The following WRN variants were observed in gnomAD, a reference collection of about 807,000 sequenced individuals.
WRN encodes the protein WRN RecQ like helicase.
WRN carries 149 observed loss-of-function variants against 180.7 expected under a neutral mutation model. That is an observed-to-expected ratio of 0.82 (90% confidence interval 0.72 to 0.94). The LOEUF (loss-of-function observed/expected upper bound fraction) is 0.94, where lower values mean the gene tolerates loss of function less well. Ranked by LOEUF, WRN falls within the 40% of genes least tolerant of loss-of-function variation. The pLI, the probability that WRN is intolerant of heterozygous loss-of-function variation, is 0.00. For missense variants in WRN, 1,661 were observed against 1,700.1 expected, an observed-to-expected ratio of 0.98 and a Z score of 0.40; for synonymous variants, 548 against 568.9, an observed-to-expected ratio of 0.96 and a Z score of 0.52.
intron 32 of WRN, among the ~76,000 whole-genome samples, chr8:31,155,803 A>G (rs1217106174): frequency 6.6e-6 from 1 of 152,146 alleles, no homozygotes; most frequent in African/African-American, 2.4e-5. Context: ...GTTGATTTGG[A>G]ACAAGTGATA....
At chr8:31,154,849 A>C in intron 32 of WRN, 94 bp downstream of exon 32, 1 of 1,444,566 alleles carries the variant, frequency 6.9e-7, no homozygotes, top group Non-Finnish European at 9.6e-7. Context: ...ACTTGGGATC[A>C]ATTTCCTCCA....
At chr8:31,070,626 C>T (rs991396904) in intron 7 of WRN, among the ~76,000 whole-genome samples, 1 of 151,682 alleles carries the variant, frequency 6.6e-6, no homozygotes, top group Non-Finnish European at 1.5e-5. Context: ...GGAGATGAGT[C>T]TTATGTCATG....
chr8:31,034,200 G>C (rs1265027822), intron 1 of WRN, among the ~76,000 whole-genome samples: 2 of 152,156 alleles, frequency 1.3e-5, no homozygotes, highest in East Asian at 1.9e-4. Flanking sequence ...CCCCGCCCCT[G>C]ACGGCCCCAG....
intron 31 of WRN, 113 bp from the exon 32 acceptor site, chr8:31,154,510 GT>G (rs1265519446): frequency 1.6e-6 from 2 of 1,240,072 alleles, no homozygotes; most frequent in African/African-American, 3.1e-5. Flanking sequence ...GGAATTATTT[GT>G]TGCTTATGGG....
intron 34 of WRN, among the ~76,000 whole-genome samples, chr8:31,169,545 G>A (rs1804026478): frequency 1.3e-5 from 2 of 151,960 alleles, no homozygotes; most frequent in Admixed American, 1.3e-4. Flanking sequence ...GTTTTATTCT[G>A]TACCTAAGCA....
chr8:31,143,677 T>C, intron 28 of WRN, 54 bp downstream of exon 28: 3 of 1,307,840 alleles, frequency 2.3e-6, no homozygotes, highest in Non-Finnish European at 3.3e-6. Context: ...TACTTTTTTT[T>C]CTAAAGAGAA....
At chr8:31,127,892 T>A (rs553028662) in intron 23 of WRN, among the ~76,000 whole-genome samples, 2 of 152,182 alleles carry the variant, frequency 1.3e-5, no homozygotes, top group South Asian at 2.1e-4. Flanking sequence ...ATGGCACCAC[T>A]ACACTCCAGG....
chr8:31,091,057 T>A, intron 15 of WRN, 115 bp downstream of exon 15: 1 of 818,366 alleles, frequency 1.2e-6, no homozygotes. Context: ...TCTGCAGGTA[T>A]TGCTTTATCT....
At chr8:31,070,207 CT>C (rs1055229913) in intron 7 of WRN, among the ~76,000 whole-genome samples, 12 of 151,680 alleles carry the variant, frequency 7.9e-5, no homozygotes, top group African/African-American at 1.7e-4. Flanking sequence ...AGATTACCAT[CT>C]TTTTTTCCTT....
chr8:31,159,451 T>C (rs1182929181), intron 33 of WRN, among the ~76,000 whole-genome samples: 2 of 152,148 alleles, frequency 1.3e-5, no homozygotes, highest in Non-Finnish European at 2.9e-5. Context: ...GGATCAATTG[T>C]ACCTCAAACC....
At chr8:31,063,864 C>T (rs1400626430) in intron 3 of WRN, among the ~76,000 whole-genome samples, 1 of 152,144 alleles carries the variant, frequency 6.6e-6, no homozygotes, top group African/African-American at 2.4e-5. Flanking sequence ...GCTGGGACTA[C>T]AGGTGTGTGC....
chr8:31,094,646 C>G (rs1404031090), intron 16 of WRN, among the ~76,000 whole-genome samples: 1 of 152,126 alleles, frequency 6.6e-6, no homozygotes, highest in Non-Finnish European at 1.5e-5. Context: ...TCTGCCCGGC[C>G]TATTATCTCT....
At chr8:31,116,245 G>C (rs547796517) in intron 19 of WRN, 109 bp from the exon 20 acceptor site, 1 of 1,131,268 alleles carries the variant, frequency 8.8e-7, no homozygotes, top group African/African-American at 1.6e-5. Flanking sequence ...TCTTCCTTTA[G>C]TCTTTTCTTT....
chr8:31,067,143 C>T lies in WRN; in HGVS notation c.615C>T (p.Leu205=), dbSNP rs2130050334. ...IRCSNWSKFP[L]TEDQKLYAAT... is the part of the protein sequence containing the mutation. ...GTAGCAATTGGAGTAAATTTCCTCT[C>T]ACTGAGGACCAGAAACTGTATGCAG... is the stretch of plus-strand genomic sequence containing the variant. The change falls in exon 6 of 35, where the codon CTC becomes CTT. Residue 205 remains leucine (L), a synonymous_variant. Coordinates refer to ENST00000298139, the MANE Select transcript of WRN (RefSeq NM_000553.6). The T allele has an allele frequency of 3.1e-6, 5 of 1,613,902 alleles. No individual in the cohort carries two copies. Among genetic ancestry groups the T allele is most frequent in the Non-Finnish European group, 4.2e-6 (5 of 1,179,952 alleles).
chr8:31,160,723 A>G (rs984825252), intron 33 of WRN, among the ~76,000 whole-genome samples: 1 of 152,124 alleles, frequency 6.6e-6, no homozygotes, highest in Non-Finnish European at 1.5e-5. Flanking sequence ...AGTGGCTCAC[A>G]CCTGTAATCC....
chr8:31,094,386 C>A (rs532131268), intron 16 of WRN, among the ~76,000 whole-genome samples: 11 of 150,068 alleles, frequency 7.3e-5, no homozygotes, highest in African/African-American at 2.2e-4. Flanking sequence ...CCCTCTGTCT[C>A]CCGGGCTGGA....
chr8:31,063,797 C>T (rs1812586833), intron 3 of WRN, among the ~76,000 whole-genome samples: 1 of 152,142 alleles, frequency 6.6e-6, no homozygotes, highest in South Asian at 2.1e-4. Flanking sequence ...GATCATAGCT[C>T]ACGCTAACCT....
At chr8:31,077,620 AT>A (rs1180993632) in intron 8 of WRN, among the ~76,000 whole-genome samples, 1 of 152,218 alleles carries the variant, frequency 6.6e-6, no homozygotes, top group Non-Finnish European at 1.5e-5. Flanking sequence ...CCTCCATGAA[AT>A]TAGAGCAGCC....
chr8:31,132,948 T>G (rs1802244864), intron 24 of WRN, among the ~76,000 whole-genome samples: 1 of 152,234 alleles, frequency 6.6e-6, no homozygotes, highest in Non-Finnish European at 1.5e-5. Flanking sequence ...AGTAACAATA[T>G]TTGGGACATA....
Sources: allele counts gnomAD v4.1 joint callset (sites outside exome capture counted in the v4.1 genomes callset), GRCh38; gene constraint gnomAD v4.1.1; transcripts MANE v1.5; gene names NCBI Gene and HGNC (gene_info 2026-07-23, HGNC 2026-07-21).